TMEM132C: variants seen among roughly 807,000 people sequenced by gnomAD.
TMEM132C encodes protein phosphatase 1, regulatory subunit 152.
A neutral mutation model predicts 61.4 loss-of-function variants in TMEM132C; 29 were observed. The ratio of observed to expected loss-of-function variants is 0.47; its 90% CI spans 0.35 to 0.64. The LOEUF (loss-of-function observed/expected upper bound fraction) is 0.64. TMEM132C is among the 30% of genes least tolerant of loss of function. The pLI is 0.00. For missense variants in TMEM132C, 1,408 were observed against 1,476.9 expected, an observed-to-expected ratio of 0.95 and a Z score of 0.76; for synonymous variants, 656 against 633.1, an observed-to-expected ratio of 1.04 and a Z score of -0.54.
intron 1 of TMEM132C, among the ~76,000 whole-genome samples, chr12:128,282,850 A>G (rs567219493): frequency 4.6e-5 from 7 of 152,264 alleles, no homozygotes; most frequent in African/African-American, 1.7e-4. Context: ...AGTGATTCAG[A>G]TGCTACATTT....
At chr12:128,566,310 T>C (rs1445800877) in intron 3 of TMEM132C, among the ~76,000 whole-genome samples, 1 of 152,012 alleles carries the variant, frequency 6.6e-6, no homozygotes, top group Non-Finnish European at 1.5e-5. Context: ...TGAACATAGG[T>C]CTAATATAGA....
At chr12:128,632,176 TCCCTTGG>T (rs1565997302) in intron 4 of TMEM132C, among the ~76,000 whole-genome samples, 2 of 152,144 alleles carry the variant, frequency 1.3e-5, no homozygotes, top group Non-Finnish European at 2.9e-5. Flanking sequence ...CAGACCCTCA[TCCCTTGG>T]CCTAAATTCT....
intron 2 of TMEM132C, among the ~76,000 whole-genome samples, chr12:128,531,177 A>AAGAAATAAT (rs2136136063): frequency 6.6e-6 from 1 of 152,340 alleles, no homozygotes; most frequent in African/African-American, 2.4e-5. Context: ...ACAGGGGAAA[A>AAGAAATAAT]AGAAATAATA....
In TMEM132C at chr12:128,688,127, A is replaced by G. The variant is rs1954691822; in HGVS notation, c.1450-5702A>G. Among the ~76,000 whole-genome samples the G allele has an allele frequency of 2.0e-5, 3 of 152,194 alleles. No individual in the cohort carries two copies. The South Asian group carries it at 6.2e-4, about 32-fold the overall frequency. On this transcript the variant is annotated intron_variant, in intron 5 of 8. Transcript: ENST00000435159. ...ACTGGCCCCTTGCCACGGGCATGCC[A>G]CAGTTGCTGGACAGTGGCCTCTCTC...
chr12:128,401,768 C>T (rs975521509), intron 1 of TMEM132C, among the ~76,000 whole-genome samples: 4 of 152,116 alleles, frequency 2.6e-5, no homozygotes, highest in African/African-American at 7.2e-5. Flanking sequence ...CAGCGTCATG[C>T]AGAATCTGGG....
intron 1 of TMEM132C, among the ~76,000 whole-genome samples, chr12:128,357,033 T>A (rs1254811544): frequency 6.6e-6 from 1 of 152,190 alleles, no homozygotes; most frequent in East Asian, 1.9e-4. Flanking sequence ...ACATCTTAAA[T>A]GTCTGCAAAC....
At chr12:128,423,732 C>A (rs1263098675) in intron 2 of TMEM132C, among the ~76,000 whole-genome samples, 1 of 151,578 alleles carries the variant, frequency 6.6e-6, no homozygotes, top group Non-Finnish European at 1.5e-5. Context: ...TGGATTTCAC[C>A]TCCTTTAAAA....
intron 1 of TMEM132C, among the ~76,000 whole-genome samples, chr12:128,280,277 C>T (rs1198245835): frequency 6.6e-6 from 1 of 152,198 alleles, no homozygotes; most frequent in Non-Finnish European, 1.5e-5. Context: ...GTGTGATACA[C>T]AAATTCACAT....
intron 2 of TMEM132C, among the ~76,000 whole-genome samples, chr12:128,528,002 A>C (rs1873150100): frequency 6.6e-6 from 1 of 152,228 alleles, no homozygotes; most frequent in African/African-American, 2.4e-5. Context: ...TTTTTTAAAA[A>C]GTAATTCAAG....
chr12:128,703,598 A>G (rs1954817592), intron 8 of TMEM132C, among the ~76,000 whole-genome samples: 1 of 152,182 alleles, frequency 6.6e-6, no homozygotes, highest in Non-Finnish European at 1.5e-5. Flanking sequence ...GAAATATGCA[A>G]TTCTAAGCAC....
At chr12:128,420,008 C>T (rs1446416150) in intron 2 of TMEM132C, among the ~76,000 whole-genome samples, 10 of 151,976 alleles carry the variant, frequency 6.6e-5, no homozygotes, top group Middle Eastern at 3.4e-3. Flanking sequence ...GCCTAGCCAA[C>T]GTGGTGAAAC....
chr12:128,529,624 A>T (rs963274020), intron 2 of TMEM132C, among the ~76,000 whole-genome samples: 5 of 152,126 alleles, frequency 3.3e-5, no homozygotes, highest in African/African-American at 1.2e-4. Context: ...TCTCTACTAA[A>T]AATACAAAAA....
chr12:128,593,226 CTCT>C, intron 3 of TMEM132C, among the ~76,000 whole-genome samples: 1 of 146,806 alleles, frequency 6.8e-6, no homozygotes, highest in East Asian at 2.0e-4. Flanking sequence ...TCTTCTCTCT[CTCT>C]TCTCTTTCTG....
At chr12:128,363,671 C>T (rs2135974059) in intron 1 of TMEM132C, among the ~76,000 whole-genome samples, 1 of 152,004 alleles carries the variant, frequency 6.6e-6, no homozygotes, top group African/African-American at 2.4e-5. Context: ...ATAATGAAAC[C>T]CAGTCTCTAC....
chr12:128,673,467 A>G (rs920290302), intron 5 of TMEM132C, among the ~76,000 whole-genome samples: 2 of 152,242 alleles, frequency 1.3e-5, no homozygotes, highest in African/African-American at 4.8e-5. Context: ...AAAGCAGGCC[A>G]ACCTGACTTA....
intron 2 of TMEM132C, among the ~76,000 whole-genome samples, chr12:128,531,366 A>C (rs940802712): frequency 2.0e-5 from 3 of 152,184 alleles, no homozygotes; most frequent in Non-Finnish European, 4.4e-5. Context: ...AAGATGAAAA[A>C]GAGCGCTCAA....
At chr12:128,362,025 A>ACT (rs895231557) in intron 1 of TMEM132C, among the ~76,000 whole-genome samples, 23 of 151,942 alleles carry the variant, frequency 1.5e-4, no homozygotes, top group African/African-American at 5.3e-4. Flanking sequence ...AGTTCAGGAC[A>ACT]CCCTGGATTT....
intron 4 of TMEM132C, among the ~76,000 whole-genome samples, chr12:128,626,700 C>T (rs931394935): frequency 3.3e-5 from 5 of 152,176 alleles, no homozygotes; most frequent in Non-Finnish European, 7.3e-5. Flanking sequence ...CTGCCTTGGC[C>T]TCCCAAAGTG....
At chr12:128,503,171 AGTT>A (rs59542336) in intron 2 of TMEM132C, among the ~76,000 whole-genome samples, 50,505 of 151,936 alleles carry the variant, frequency 0.33, 8,865 homozygotes, top group East Asian at 0.56. Flanking sequence ...AGTGAAGAAA[AGTT>A]GTAGACTATC....
Sources: gnomAD v4.1 joint callset for allele counts (sites outside exome capture counted in the v4.1 genomes callset) on GRCh38, gnomAD v4.1.1 for gene constraint, MANE v1.5 for transcripts, NCBI Gene and HGNC (gene_info 2026-07-23, HGNC 2026-07-21) for gene names.